The following TASP1 variants were observed in gnomAD, a reference collection of about 807,000 sequenced individuals.
TASP1 encodes the protein taspase 1.
In TASP1, 16 loss-of-function variants were observed where a neutral mutation model predicts 56.6. That is an observed-to-expected ratio of 0.28 (90% CI 0.19 to 0.43). The LOEUF is 0.43. TASP1 is among the 20% of genes least tolerant of loss of function. TASP1 has a pLI of 1.00. For missense variants in TASP1, 393 were observed against 511.6 expected (o/e 0.77, Z 2.24); for synonymous variants, 179 against 184.2 (o/e 0.97, Z 0.23).
At chr20:13,249,585 G>A in the TASP1 span, among the ~76,000 whole-genome samples, 5 of 152,170 alleles carry the variant, frequency 3.3e-5, no homozygotes, top group African/African-American at 4.8e-5. Context: ...AGGAAACCCC[G>A]CCAGGCTCTT....
chr20:13,228,220 G>A, the TASP1 span, among the ~76,000 whole-genome samples: 60 of 151,756 alleles, frequency 4.0e-4, no homozygotes, highest in Admixed American at 2.9e-3. Flanking sequence ...TGATCTGCCC[G>A]TCCTGGCCTC....
At chr20:13,241,039 A>G in the TASP1 span, among the ~76,000 whole-genome samples, 1 of 152,208 alleles carries the variant, frequency 6.6e-6, no homozygotes, top group Non-Finnish European at 1.5e-5. Flanking sequence ...GAGGTGTGTC[A>G]CAGAAGCCAG....
the TASP1 span, among the ~76,000 whole-genome samples, chr20:13,117,279 A>T: frequency 6.6e-6 from 1 of 152,248 alleles, no homozygotes; most frequent in African/African-American, 2.4e-5. Context: ...AGCTGAAACC[A>T]AAAGCACTTA....
chr20:13,619,954 T>C (rs2048651181), intron 4 of TASP1, among the ~76,000 whole-genome samples: 1 of 152,184 alleles, frequency 6.6e-6, no homozygotes, highest in Admixed American at 6.5e-5. Flanking sequence ...TTTGGAGTAA[T>C]ATCATTTGCA....
the TASP1 span, among the ~76,000 whole-genome samples, chr20:13,341,059 A>G: frequency 6.6e-6 from 1 of 152,148 alleles, no homozygotes; most frequent in African/African-American, 2.4e-5. Flanking sequence ...CAGCTTGGGG[A>G]ATGAGTAAAC....
the TASP1 span, among the ~76,000 whole-genome samples, chr20:13,304,164 C>T: frequency 6.6e-6 from 1 of 152,190 alleles, no homozygotes; most frequent in East Asian, 1.9e-4. Flanking sequence ...CCAATGCTTC[C>T]AGTCACTCTC....
chr20:13,421,435 A>G (rs1180298827), intron 12 of TASP1, among the ~76,000 whole-genome samples: 1 of 152,198 alleles, frequency 6.6e-6, no homozygotes, highest in East Asian at 1.9e-4. Flanking sequence ...TGAATGACAA[A>G]TTTGGGGAAA....
intron 13 of TASP1, among the ~76,000 whole-genome samples, chr20:13,403,157 G>A (rs1188709353): frequency 1.3e-5 from 2 of 151,838 alleles, no homozygotes; most frequent in African/African-American, 4.8e-5. Context: ...TTTTTTTCCT[G>A]TTCTGGGAAC....
intron 7 of TASP1, among the ~76,000 whole-genome samples, chr20:13,563,970 C>T (rs575146511): frequency 6.6e-6 from 1 of 152,138 alleles, no homozygotes; most frequent in South Asian, 2.1e-4. Flanking sequence ...AAGCTTTTCC[C>T]CTAAAATCAG....
chr20:13,295,469 T>C, the TASP1 span, among the ~76,000 whole-genome samples: 3 of 152,246 alleles, frequency 2.0e-5, no homozygotes, highest in South Asian at 6.2e-4. Context: ...CCCCAGCAGA[T>C]TTTTTCCTGC....
chr20:13,225,185 C>T, the TASP1 span, among the ~76,000 whole-genome samples: 3 of 152,016 alleles, frequency 2.0e-5, no homozygotes, highest in Non-Finnish European at 2.9e-5. Context: ...ACAAAAATCC[C>T]GGGAATTAGG....
Position 13,557,572 on chromosome 20 carries a change from GTTTTTTTTTTTTTTTTTT to G in TASP1, c.675+1418_675+1435del, listed in dbSNP as rs972801507. On this transcript the variant is annotated intron_variant, in intron 8 of 13. Transcript: ENST00000337743. ...TGCAAATTTTATTACGATGTTTTTG[GTTTTTTTTTTTTTTTTTT>G]TTTTTTTTGAGACAGGGTCTCACTC... 9.9e-3 allele frequency among the ~76,000 whole-genome samples: 986 copies of G among 99,788 alleles called. 21 individuals are homozygous for G. The highest frequency in any genetic ancestry group is 0.038 in the African/African-American group (938 of 24,542). The allele number at this position is 99,788 out of a possible 152,430, so 65.5% of individuals were successfully genotyped here.
At chr20:13,327,431 T>A in the TASP1 span, among the ~76,000 whole-genome samples, 76 of 152,142 alleles carry the variant, frequency 5.0e-4, 1 homozygote, top group Admixed American at 2.0e-3. Flanking sequence ...CCATCGACAT[T>A]CTTCACAAAT....
At chr20:13,295,785 G>A in the TASP1 span, among the ~76,000 whole-genome samples, 15 of 152,300 alleles carry the variant, frequency 9.8e-5, no homozygotes, top group African/African-American at 2.9e-4. Context: ...GTCGCTTGTC[G>A]GGCGGTTCCC....
At chr20:13,625,378 G>T in intron 2 of TASP1, 126 bp from the exon 3 acceptor site, 1 of 621,880 alleles carries the variant, frequency 1.6e-6, no homozygotes, top group Non-Finnish European at 2.6e-6. Flanking sequence ...TAACTGTATG[G>T]CGTTTTATGA....
the TASP1 span, among the ~76,000 whole-genome samples, chr20:13,114,641 T>TC: frequency 6.6e-6 from 1 of 152,226 alleles, no homozygotes; most frequent in Non-Finnish European, 1.5e-5. Flanking sequence ...TGGTAAACTG[T>TC]CACCTGTATC....
At chr20:13,393,892 T>TG (rs961904665) in intron 13 of TASP1, among the ~76,000 whole-genome samples, 15 of 149,376 alleles carry the variant, frequency 1.0e-4, no homozygotes, top group African/African-American at 1.5e-4. Context: ...AAAAAAGGTG[T>TG]GGGGGGGAAA....
the TASP1 span, among the ~76,000 whole-genome samples, chr20:13,224,939 G>A: frequency 1.3e-4 from 19 of 148,114 alleles, no homozygotes; most frequent in African/African-American, 3.7e-4. Flanking sequence ...TCCACTTCCC[G>A]GGTTCATGCC....
At chr20:13,232,470 T>A in the TASP1 span, among the ~76,000 whole-genome samples, 1 of 152,372 alleles carries the variant, frequency 6.6e-6, no homozygotes, top group South Asian at 2.1e-4. Context: ...TGTGCATAGA[T>A]AATTTGTTCC....
Sources: allele counts gnomAD v4.1 joint callset (sites outside exome capture counted in the v4.1 genomes callset), GRCh38; gene constraint gnomAD v4.1.1; transcripts MANE v1.5; gene names NCBI Gene and HGNC (gene_info 2026-07-23, HGNC 2026-07-21).